Variants in IFNAR1 observed in about 807,000 individuals in gnomAD.
IFNAR1 encodes the protein interferon alpha and beta receptor subunit 1, also known as interferon alpha/beta receptor 1.
A neutral mutation model predicts 62.1 loss-of-function variants in IFNAR1; 47 were observed. That is an observed-to-expected ratio of 0.76 (90% CI 0.60 to 0.97). IFNAR1 has a LOEUF of 0.97. Among genes scored for constraint, IFNAR1 ranks in the 50% least tolerant of loss-of-function variants. The probability of loss-of-function intolerance (pLI) is 0.00; values close to 1 mark genes in which losing one functional copy is unlikely to be tolerated. For missense variants in IFNAR1, 638 were observed against 654.5 expected, an observed-to-expected ratio of 0.97 and a Z score of 0.27; for synonymous variants, 219 against 226.9, an observed-to-expected ratio of 0.97 and a Z score of 0.31.
chr21:33,349,740 C>A (rs1390339493), intron 8 of IFNAR1, among the ~76,000 whole-genome samples, 197 bp downstream of exon 8: 1 of 151,920 alleles, frequency 6.6e-6, no homozygotes, highest in Non-Finnish European at 1.5e-5. Context: ...GCCTGGGCAA[C>A]ATAGGGAGAC....
At chr21:33,350,975 T>C (rs1352028355) in intron 8 of IFNAR1, among the ~76,000 whole-genome samples, 1 of 152,260 alleles carries the variant, frequency 6.6e-6, no homozygotes, top group Admixed American at 6.5e-5. Flanking sequence ...GTTTATAAGG[T>C]TTAAAAGGAA....
In IFNAR1 at chr21:33,349,451, G is replaced by C; in HGVS notation, c.1051G>C (p.Gly351Arg). 6.2e-7 allele frequency: 1 copy of C among 1,610,546 alleles called. No individual in the cohort carries two copies. Among genetic ancestry groups the C allele is most frequent in the South Asian group, 1.1e-5 (1 of 90,940 alleles). ...TAGTGATTCATTCCATATCTATATCGGTGCTCCAAAACAGTCTGGAAACAC... is the reference window on the plus strand; with the variant it reads ...TAGTGATTCATTCCATATCTATATCCGTGCTCCAAAACAGTCTGGAAACAC... ...SLSDSFHIYI[G>R]APKQSGNTPV... The change falls in exon 8 of 11, where the codon GGT becomes CGT. Residue 351 changes from glycine (G) to arginine (R), a missense_variant. Gly to Arg is a moderately radical substitution (Grantham distance 125). Coordinates refer to ENST00000270139, the MANE Select transcript of IFNAR1 (RefSeq NM_000629.3).
chr21:33,330,352 C>T lies in IFNAR1; in HGVS notation c.77-5172C>T, dbSNP rs138675529. 2.6e-5 allele frequency among the ~76,000 whole-genome samples: 4 copies of T among 152,300 alleles called. 1 individual carries two copies. The highest frequency in any genetic ancestry group is 7.2e-5 in the African/African-American group (3 of 41,576). On this transcript the variant is annotated intron_variant, in intron 1 of 10. Transcript: ENST00000270139. ...AAGGGCTAGAAATCTCCCTCTGCTT[C>T]ATTTTTCTCTTTCACTTTTGGGAGC...
chr21:33,340,948 C>A, intron 2 of IFNAR1, 51 bp from the exon 3 acceptor site: 1 of 1,165,824 alleles, frequency 8.6e-7, no homozygotes, highest in Non-Finnish European at 1.3e-6. Context: ...GTATTTGACA[C>A]TTACATTTAT....
At chr21:33,354,140 C>T (rs1305027614) in intron 10 of IFNAR1, among the ~76,000 whole-genome samples, 11 of 152,034 alleles carry the variant, frequency 7.2e-5, no homozygotes, top group South Asian at 2.1e-4. Context: ...GTCAGGAGTT[C>T]GAGACCAGCC....
At chr21:33,350,288 C>G (rs531559725) in intron 8 of IFNAR1, among the ~76,000 whole-genome samples, 1 of 150,784 alleles carries the variant, frequency 6.6e-6, no homozygotes, top group East Asian at 1.9e-4. Context: ...AAAACATCTT[C>G]AGATATTGTC....
chr21:33,341,123 G>A lies in IFNAR1; in HGVS notation c.325G>A (p.Glu109Lys). Reference sequence around the variant, plus strand: ...TAAATTGCGTATAAGAGCAGAAAAAGAAAACACTTCTTCATGGTATGAGGT... The same window carrying A: ...TAAATTGCGTATAAGAGCAGAAAAAAAAAACACTTCTTCATGGTATGAGGT... ...EIKLRIRAEK[E>K]NTSSWYEVDS... The change falls in exon 3 of 11, where the codon GAA (glutamate) becomes AAA (lysine). Residue 109 changes from glutamate (E) to lysine (K), a missense_variant. By Grantham distance (56) the Glu-to-Lys change is moderately conservative (BLOSUM62 1). Transcript: ENST00000270139. The A allele has an allele frequency of 6.2e-7, 1 of 1,613,412 alleles. No homozygotes were observed. The highest frequency in any genetic ancestry group is 1.3e-5 in the African/African-American group (1 of 75,020).
chr21:33,338,613 AG>A (rs1280452393), intron 2 of IFNAR1, among the ~76,000 whole-genome samples: 1 of 152,028 alleles, frequency 6.6e-6, no homozygotes, highest in Non-Finnish European at 1.5e-5. Context: ...CTCAGTGAAC[AG>A]GAGAGGCAAA....
At chr21:33,341,600 A>G (rs1396250291) in intron 3 of IFNAR1, among the ~76,000 whole-genome samples, 1 of 152,238 alleles carries the variant, frequency 6.6e-6, no homozygotes, top group Non-Finnish European at 1.5e-5. Flanking sequence ...TGGAAAAAAA[A>G]TGTAAAACAG....
chr21:33,346,384 A>G (rs977097975), intron 6 of IFNAR1, among the ~76,000 whole-genome samples: 6 of 152,226 alleles, frequency 3.9e-5, no homozygotes, highest in Admixed American at 2.0e-4. Context: ...ATCAATTTCT[A>G]TCTTTTAGTG....
rs1274652513 is a variant in IFNAR1 at position 33,335,543 on chromosome 21, T to A, written c.96T>A (p.Ser32=). ...SAAAGGKNLK[S]PQKVEVDIID... ...TTATAGGTGGAAAAAATCTAAAATC[T>A]CCTCAAAAAGTAGAGGTCGACATCA... is the stretch of plus-strand genomic sequence containing the variant. The change falls in exon 2 of 11, where the codon TCT becomes TCA. Residue 32 remains serine, a synonymous_variant. Coordinates refer to ENST00000270139, the MANE Select transcript of IFNAR1 (RefSeq NM_000629.3). 1 of 1,596,510 alleles carries A rather than the reference T, an allele frequency of 6.3e-7. No homozygotes were observed. The highest frequency in any genetic ancestry group is 8.6e-7 in the Non-Finnish European group (1 of 1,167,948).
chr21:33,338,746 T>G (rs28450380), intron 2 of IFNAR1, among the ~76,000 whole-genome samples: 57,144 of 150,344 alleles, frequency 0.38, 11,006 homozygotes, highest in Middle Eastern at 0.46. Context: ...TTTTTGTTGT[T>G]GGTTTTTTTT....
rs754447453 is a variant in IFNAR1, at chr21:33,335,603, C to T, written c.156C>T (p.Ser52=). 17 of 1,604,850 alleles carry T rather than the reference C, an allele frequency of 1.1e-5. No homozygotes were observed. The highest frequency in any genetic ancestry group is 4.0e-5 in the African/African-American group (3 of 74,558). The change falls in exon 2 of 11, where the codon AGC becomes AGT. Residue 52 remains serine, a synonymous_variant. Coordinates refer to ENST00000270139, the MANE Select transcript of IFNAR1 (RefSeq NM_000629.3). ...ACTTTATCCTGAGGTGGAACAGGAG[C>T]GATGAGTCTGTCGGGAATGTGACTT... ...DDNFILRWNR[S]DESVGNVTFS... is the part of the protein sequence containing the mutation.
rs2083478695 is a variant in IFNAR1 at position 33,359,386 on chromosome 21, G to T, written c.*3837G>T. 2 of 152,126 alleles carry T rather than the reference G, an allele frequency of 1.3e-5. No homozygotes were observed. The highest frequency in any genetic ancestry group is 4.8e-5 in the African/African-American group (2 of 41,410). The allele number at this position is 152,126 out of a possible 1,614,324, so 9.4% of individuals were successfully genotyped here. A position where few individuals can be genotyped will look rare whatever the true frequency, so the allele number is the denominator to read the frequency against. ...ATGCCTTTAAAAGGTATTCATCATGGAAGAGCTGAGGCCTGTGCTTGGTGT... is the reference window on the plus strand; with the variant it reads ...ATGCCTTTAAAAGGTATTCATCATGTAAGAGCTGAGGCCTGTGCTTGGTGT... On this transcript the variant is annotated 3_prime_UTR_variant, in exon 11 of 11. Coordinates refer to ENST00000270139, the MANE Select transcript of IFNAR1 (RefSeq NM_000629.3).
chr21:33,341,687 CT>C (rs879570774), intron 3 of IFNAR1, among the ~76,000 whole-genome samples: 373 of 147,312 alleles, frequency 2.5e-3, no homozygotes, highest in African/African-American at 7.2e-3. Flanking sequence ...TTATTTCTTT[CT>C]TTTTTTTTTT....
At chr21:33,335,878 C>G (rs1385952412) in intron 2 of IFNAR1, among the ~76,000 whole-genome samples, 1 of 149,846 alleles carries the variant, frequency 6.7e-6, no homozygotes, top group Non-Finnish European at 1.5e-5. Context: ...GTCTCTAACC[C>G]ATAGCCATTC....
intron 8 of IFNAR1, 54 bp downstream of exon 8, chr21:33,349,597 G>A: frequency 7.7e-7 from 1 of 1,300,150 alleles, no homozygotes; most frequent in South Asian, 1.4e-5. Context: ...TTATGATTTG[G>A]GTAAATAAAG....
In IFNAR1 at chr21:33,344,923, G is replaced by A. The variant is rs7282848; in HGVS notation, c.674-323G>A. ...CTGCCTCAGCCTCCCGAGTAGCTGG[G>A]ATTACAGGCGTGTGCCATCATGCCT... On this transcript the variant is annotated intron_variant, in intron 5 of 10. Coordinates refer to ENST00000270139, the MANE Select transcript of IFNAR1 (RefSeq NM_000629.3). 3.3e-3 allele frequency among the ~76,000 whole-genome samples: 500 copies of A among 152,152 alleles called. 3 individuals are homozygous for A. Among genetic ancestry groups the A allele is most frequent in the African/African-American group, 0.011 (473 of 41,520 alleles).
chr21:33,349,504 T>C lies in IFNAR1; in HGVS notation c.1104T>C (p.Ile368=). The C allele has an allele frequency of 6.2e-7, 1 of 1,611,810 alleles. No individual in the cohort carries two copies. The highest frequency in any genetic ancestry group is 8.5e-7 in the Non-Finnish European group (1 of 1,178,396). ...NTPVIQDYPL[I]YEIIFWENTS... The stretch of plus-strand genomic sequence containing the variant: ...CTGTGATCCAGGATTATCCACTGAT[T>C]TATGAAATTATTTTTTGGGAAAACA... The change falls in exon 8 of 11, where the codon ATT becomes ATC. Residue 368 remains isoleucine (I), a synonymous_variant. Coordinates refer to ENST00000270139, the MANE Select transcript of IFNAR1 (RefSeq NM_000629.3).
Sources: allele counts gnomAD v4.1 joint callset (sites outside exome capture counted in the v4.1 genomes callset), GRCh38; gene constraint gnomAD v4.1.1; transcripts MANE v1.5; gene names NCBI Gene and HGNC (gene_info 2026-07-23, HGNC 2026-07-21).